ANKLE2: variants seen among roughly 807,000 people sequenced by gnomAD.
The protein encoded by ANKLE2 is ankyrin repeat and LEM domain-containing protein 2.
Under a neutral mutation model 84.2 loss-of-function variants are expected in ANKLE2, and 55 were observed. The observed-to-expected ratio is 0.65, with a 90% CI of 0.53 to 0.82. The LOEUF (loss-of-function observed/expected upper bound fraction) is 0.82. ANKLE2 is among the 40% of genes least tolerant of loss of function. ANKLE2 has a pLI of 0.00. For missense variants in ANKLE2, 1,238 were observed against 1,201.9 expected, an observed-to-expected ratio of 1.03 and a Z score of -0.44; for synonymous variants, 551 against 486.1, an observed-to-expected ratio of 1.13 and a Z score of -1.76.
chr12:132,748,006 G>T lies in ANKLE2; in HGVS notation c.1056C>A (p.Tyr352Ter). The T allele has an allele frequency of 6.2e-7, 1 of 1,600,188 alleles. No individual in the cohort carries two copies. The highest frequency in any genetic ancestry group is 8.5e-7 in the Non-Finnish European group (1 of 1,174,672). ...NPTIVQEGCR[Y>*]NVMHVAAKEN... ...CTTTGGCAGCAACATGCATCACGTT[G>T]TACCTGCACCCTTCCTGAAAGAGAA... The change falls in exon 5 of 13, where the codon TAC becomes TAA. Residue 352 changes from tyrosine to a stop codon, truncating the protein, a stop_gained. Transcript: ENST00000357997. LOFTEE classifies it high-confidence loss of function.
intron 10 of ANKLE2, among the ~76,000 whole-genome samples, chr12:132,733,808 A>T (rs1194451082): frequency 6.6e-6 from 1 of 152,184 alleles, no homozygotes; most frequent in Non-Finnish European, 1.5e-5. Context: ...TCCTGAAAAT[A>T]TACCAAATCT....
intron 2 of ANKLE2, among the ~76,000 whole-genome samples, chr12:132,751,648 TTCTCCCG>T (rs1162077931): frequency 6.6e-6 from 1 of 151,848 alleles, no homozygotes; most frequent in African/African-American, 2.4e-5. Context: ...GTCCAAGCGA[TTCTCCCG>T]TCTCAGCCTC....
Position 132,761,788 on chromosome 12 carries a change from G to C in ANKLE2, c.11C>G (p.Pro4Arg), listed in dbSNP as rs1042543273. 2.0e-5 allele frequency: 23 copies of C among 1,137,892 alleles called. No homozygotes were observed. The highest frequency in any genetic ancestry group is 7.5e-6 in the Non-Finnish European group (7 of 929,988). The allele number at this position is 1,137,892 out of a possible 1,614,324, so 70.5% of individuals were successfully genotyped here. A position where few individuals can be genotyped will look rare whatever the true frequency, so the allele number is the denominator to read the frequency against. The change falls in exon 1 of 13, where the codon CCG becomes CGG. Residue 4 changes from proline to arginine, a missense_variant. By Grantham distance (103) the Pro-to-Arg change is moderately radical. This residue lies in a region of ANKLE2 where 422 missense variants were observed against 394.5 expected (regional missense o/e 1.07). Coordinates refer to ENST00000357997, the MANE Select transcript of ANKLE2 (RefSeq NM_015114.3). ...CGCCCACTCGGCCGCCGCCAGCCGCGGCCACAGCATCGCCGCCGCCCGGGC... is the reference window on the plus strand; with the variant it reads ...CGCCCACTCGGCCGCCGCCAGCCGCCGCCACAGCATCGCCGCCGCCCGGGC... MLW[P>R]RLAAAEWAAL...
At chr12:132,748,837 T>G (rs2044294210) in intron 3 of ANKLE2, 1 of 161,746 alleles carries the variant, frequency 6.2e-6, no homozygotes, top group Non-Finnish European at 1.4e-5. Flanking sequence ...TACAGTTGTA[T>G]GCCAACACGC....
intron 2 of ANKLE2, chr12:132,751,471 C>T (rs2044355138): frequency 6.6e-6 from 1 of 152,056 alleles, no homozygotes; most frequent in South Asian, 2.1e-4. Flanking sequence ...AAACTCCTGA[C>T]CTCAGGTGAT....
intron 2 of ANKLE2, 133 bp from the exon 3 acceptor site, chr12:132,750,982 C>A: frequency 2.6e-6 from 2 of 780,874 alleles, no homozygotes; most frequent in South Asian, 3.6e-5. Context: ...ATCTTTAATC[C>A]TGAAGAAAAA....
chr12:132,728,309 A>T, intron 11 of ANKLE2, 146 bp from the exon 12 acceptor site: 2 of 922,788 alleles, frequency 2.2e-6, no homozygotes, highest in Non-Finnish European at 3.2e-6. Context: ...GGCTCATCGC[A>T]AGCTCCGCCT....
Position 132,726,076 on chromosome 12 carries a change from AT to A in ANKLE2, c.*1165del, listed in dbSNP as rs2043693684. 1 of 152,270 alleles carries A rather than the reference AT, an allele frequency of 6.6e-6. No homozygotes were observed. The highest frequency in any genetic ancestry group is 2.4e-5 in the African/African-American group (1 of 41,460). The allele number at this position is 152,270 out of a possible 1,614,324, so 9.4% of individuals were successfully genotyped here. On this transcript the variant is annotated 3_prime_UTR_variant, in exon 13 of 13. Transcript: ENST00000357997. ...AGCAAGTTCAGGAAATTTAAAAATGATTTATAAAAGGCACTGAAGTTAGCAA... is the reference window on the plus strand; with the variant it reads ...AGCAAGTTCAGGAAATTTAAAAATGATTATAAAAGGCACTGAAGTTAGCAA...
chr12:132,747,741 C>G, intron 5 of ANKLE2, 91 bp downstream of exon 5: 6 of 1,483,632 alleles, frequency 4.0e-6, no homozygotes, highest in Non-Finnish European at 5.4e-6. Flanking sequence ...AGTTATTATA[C>G]TAATGAGTAA....
chr12:132,729,684 A>C lies in ANKLE2; in HGVS notation c.2478T>G (p.Leu826=), dbSNP rs2043796677. The C allele has an allele frequency of 6.2e-7, 1 of 1,600,848 alleles. No homozygotes were observed. ...VTREPARRLF[L]FGEEPSKLDQ... ...AGAGGGCAACACACTCCTACCCAAA[A>C]AGGAAGAGCCGCCTGGCCGGTTCCC... is the stretch of plus-strand genomic sequence containing the variant. The change falls in exon 11 of 13, where the codon CTT becomes CTG. Residue 826 remains leucine (L), a synonymous_variant. Transcript: ENST00000357997.
At chr12:132,733,129 T>G (rs1349929339) in intron 10 of ANKLE2, among the ~76,000 whole-genome samples, 1 of 145,778 alleles carries the variant, frequency 6.9e-6, no homozygotes, top group Non-Finnish European at 1.5e-5. Context: ...ATGCACCGTG[T>G]GAAGCACTGC....
In ANKLE2 at chr12:132,730,105, A is replaced by G. The variant is rs915949460; in HGVS notation, c.2057T>C (p.Ile686Thr). The stretch of plus-strand genomic sequence containing the variant: ...TGGACCTCCCGGCTCGGCGGCTTCT[A>G]TGAGGTCTGCCTCCTGCTCCAAGGG... ...AFPLEQEADL[I>T]EAAEPGGPHS... Residue 686 changes from isoleucine to threonine, a missense_variant, in exon 11 of 13, where the codon ATA (isoleucine) becomes ACA (threonine). Coordinates refer to ENST00000357997, the MANE Select transcript of ANKLE2 (RefSeq NM_015114.3). 9 of 1,612,466 alleles carry G rather than the reference A, an allele frequency of 5.6e-6. No individual in the cohort carries two copies. Among genetic ancestry groups the G allele is most frequent in the Non-Finnish European group, 7.6e-6 (9 of 1,179,694 alleles).
At chr12:132,741,089 A>T (rs919950702) in intron 7 of ANKLE2, among the ~76,000 whole-genome samples, 1 of 152,220 alleles carries the variant, frequency 6.6e-6, no homozygotes, top group African/African-American at 2.4e-5. Flanking sequence ...CCTGAAGAGA[A>T]GCCATCACAA....
chr12:132,734,845 G>A (rs1259951244), intron 9 of ANKLE2: 6 of 440,568 alleles, frequency 1.4e-5, no homozygotes, highest in Non-Finnish European at 2.4e-5. Context: ...AGACCCTCAC[G>A]CCAGCAACCC....
chr12:132,741,441 C>G lies in ANKLE2; in HGVS notation c.1398G>C (p.Glu466Asp), dbSNP rs762476408. ...RSKNKSVELKERIREYLKGHY... is the reference protein window; with the variant it reads ...RSKNKSVELKDRIREYLKGHY... ...TACCCTTTAAATACTCTCTGATCCG[C>G]TCCTTCAGTTCCACAGATTTATTTT... The change falls in exon 7 of 13, where the codon GAG becomes GAC. Residue 466 changes from glutamate to aspartate, a missense_variant. This residue lies in a region of ANKLE2 where 802 missense variants were observed against 774.5 expected (regional missense o/e 1.04). Coordinates refer to ENST00000357997, the MANE Select transcript of ANKLE2 (RefSeq NM_015114.3). The G allele has an allele frequency of 6.2e-7, 1 of 1,614,234 alleles. No individual in the cohort carries two copies. Among genetic ancestry groups the G allele is most frequent in the South Asian group, 1.1e-5 (1 of 91,090 alleles).
intron 7 of ANKLE2, among the ~76,000 whole-genome samples, chr12:132,739,805 C>T (rs1179515758): frequency 6.6e-6 from 1 of 152,218 alleles, no homozygotes; most frequent in East Asian, 1.9e-4. Flanking sequence ...GAGGCCCCAG[C>T]GTGACCACAG....
intron 3 of ANKLE2, among the ~76,000 whole-genome samples, chr12:132,749,764 G>A (rs890136038): frequency 5.3e-5 from 8 of 152,236 alleles, no homozygotes; most frequent in Non-Finnish European, 5.9e-5. Flanking sequence ...TCTGAGCTGG[G>A]AGGTGGGCAT....
Position 132,750,512 on chromosome 12 carries a change from T to C in ANKLE2, c.847+131A>G, listed in dbSNP as rs534643335. 5.5e-5 allele frequency: 49 copies of C among 888,920 alleles called. No homozygotes were observed. The African/African-American group carries it at 8.0e-4, about 14-fold the overall frequency. 55.1% of individuals were successfully genotyped at this position (888,920 alleles called of 1,614,324 possible). A position where few individuals can be genotyped will look rare whatever the true frequency, so the allele number is the denominator to read the frequency against. ...GAGCATCAGAGCCAGCATGGCCTCC[T>C]GGTCCACTGAGACCCCATCGACTCT... On this transcript the variant is annotated intron_variant, in intron 3 of 12. Coordinates refer to ENST00000357997, the MANE Select transcript of ANKLE2 (RefSeq NM_015114.3).
At chr12:132,760,522 G>A (rs376587849) in intron 1 of ANKLE2, 1 of 152,280 alleles carries the variant, frequency 6.6e-6, no homozygotes, top group Non-Finnish European at 1.5e-5. Flanking sequence ...GACCGACGGG[G>A]CGTAACCCGG....
Sources: allele counts gnomAD v4.1 joint callset (sites outside exome capture counted in the v4.1 genomes callset), GRCh38; gene constraint gnomAD v4.1.1; regional missense constraint gnomAD v4.1.1; transcripts MANE v1.5; gene names NCBI Gene and HGNC (gene_info 2026-07-23, HGNC 2026-07-21).